LRGUK: variants seen among roughly 807,000 people sequenced by gnomAD.
The protein encoded by LRGUK is leucine-rich repeat and guanylate kinase domain-containing protein.
A neutral mutation model predicts 76.0 loss-of-function variants in LRGUK; 65 were observed. That is an observed-to-expected ratio of 0.85 (90% CI 0.70 to 1.05). The LOEUF (loss-of-function observed/expected upper bound fraction) is 1.05, where lower values mean the gene tolerates loss of function less well. Ranked by LOEUF, LRGUK falls within the 50% of genes least tolerant of loss-of-function variation. LRGUK has a pLI of 0.00. For synonymous variants in LRGUK, 268 were observed against 265.6 expected (o/e 1.01, Z -0.09); for missense variants, 758 against 732.8 (o/e 1.03, Z -0.40).
intron 9 of LRGUK, among the ~76,000 whole-genome samples, chr7:134,178,283 A>G (rs1040845828): frequency 6.6e-6 from 1 of 152,108 alleles, no homozygotes; most frequent in Non-Finnish European, 1.5e-5. Context: ...TAGGAGATCA[A>G]AAGACTCCAC....
chr7:134,211,176 T>C (rs1801252160), downstream of LRGUK, among the ~76,000 whole-genome samples: 1 of 152,224 alleles, frequency 6.6e-6, no homozygotes, highest in Non-Finnish European at 1.5e-5. Context: ...TCTTCTGCTG[T>C]TGCCGTCACA....
At chr7:134,198,704 A>G (rs903076316) in intron 13 of LRGUK, among the ~76,000 whole-genome samples, 10 of 152,158 alleles carry the variant, frequency 6.6e-5, no homozygotes, top group African/African-American at 2.2e-4. Context: ...ACACAGTTCC[A>G]TGCTGTGATC....
intron 16 of LRGUK, among the ~76,000 whole-genome samples, chr7:134,246,495 G>C (rs1219603117): frequency 6.6e-6 from 1 of 152,210 alleles, no homozygotes; most frequent in Non-Finnish European, 1.5e-5. Context: ...GCAAACACTT[G>C]AAACTATGCT....
At chr7:134,174,722 CT>C in intron 8 of LRGUK, 86 bp downstream of exon 8, 1 of 784,580 alleles carries the variant, frequency 1.3e-6, no homozygotes, top group Non-Finnish European at 2.2e-6. Context: ...TCAAGAAGTA[CT>C]TTTGATAAAA....
In LRGUK at chr7:134,259,084, T is replaced by A. The variant is rs574049001; in HGVS notation, c.2347+679T>A. Among the ~76,000 whole-genome samples the A allele has an allele frequency of 1.7e-3, 255 of 152,242 alleles. 1 individual carries two copies. Among genetic ancestry groups the A allele is most frequent in the African/African-American group, 5.9e-3 (244 of 41,548 alleles). On this transcript the variant is annotated intron_variant, in intron 19 of 19. Transcript: ENST00000285928. ...ATGGAGGCTTTGAGTTGCAGTCCAG[T>A]CTTCACTGTGGCGGTTCGGCAGAAT...
intron 12 of LRGUK, among the ~76,000 whole-genome samples, chr7:134,193,842 A>C (rs1011609142): frequency 4.0e-5 from 6 of 151,896 alleles, no homozygotes; most frequent in Non-Finnish European, 8.8e-5. Context: ...CAGCAGGCCC[A>C]CTGACGGACA....
intron 6 of LRGUK, among the ~76,000 whole-genome samples, chr7:134,160,786 T>C (rs535326045): frequency 6.6e-6 from 1 of 152,338 alleles, no homozygotes; most frequent in South Asian, 2.1e-4. Context: ...GTTTCTAATT[T>C]CATTTATTCA....
chr7:134,128,680 G>A (rs568029808), intron 1 of LRGUK, among the ~76,000 whole-genome samples: 4 of 152,324 alleles, frequency 2.6e-5, no homozygotes, highest in African/African-American at 9.6e-5. Flanking sequence ...CTCCCGAGTA[G>A]CTGGGACTAC....
Position 134,187,817 on chromosome 7 carries a change from A to C in LRGUK, c.1335-3838A>C, listed in dbSNP as rs533120509. On this transcript the variant is annotated intron_variant, in intron 11 of 15. Coordinates refer to ENST00000645682, the Ensembl canonical transcript of LRGUK. ...ATTTAAGGCCATGAAAGTGATCTGA[A>C]TGGCCCTGAAAGAAAAACTTTATTC... Among the ~76,000 whole-genome samples, 75 of 152,350 alleles carry C rather than the reference A, an allele frequency of 4.9e-4. No homozygotes were observed. The Middle Eastern group carries it at 0.02, about 41-fold the overall frequency.
At chr7:134,144,969 C>T (rs1797910127) in intron 4 of LRGUK, among the ~76,000 whole-genome samples, 1 of 152,156 alleles carries the variant, frequency 6.6e-6, no homozygotes, top group Non-Finnish European at 1.5e-5. Flanking sequence ...TTCATGGTAA[C>T]AGCATGACCC....
chr7:134,238,615 A>G lies in LRGUK; in HGVS notation c.1984-8941A>G, dbSNP rs947997890. Among the ~76,000 whole-genome samples, 4 of 151,704 alleles carry G rather than the reference A, an allele frequency of 2.6e-5. No homozygotes were observed. In the East Asian group the frequency reaches 7.8e-4, roughly 29 times the overall value. On this transcript the variant is annotated intron_variant, in intron 16 of 19. Transcript: ENST00000285928. Reference sequence around the variant, plus strand: ...TAGTTCATGAGTTTTTAAAATTGTAATTTATCTGTTCCTTGATGTTTTGTG... The same window carrying G: ...TAGTTCATGAGTTTTTAAAATTGTAGTTTATCTGTTCCTTGATGTTTTGTG...
intron 1 of LRGUK, 91 bp downstream of exon 1, chr7:134,127,755 G>A: frequency 2.2e-6 from 3 of 1,371,752 alleles, no homozygotes; most frequent in Non-Finnish European, 1.9e-6. Context: ...CCACCAGCCC[G>A]AAGCTTCCCA....
chr7:134,132,868 C>T (rs570185381), intron 1 of LRGUK, among the ~76,000 whole-genome samples: 6 of 152,202 alleles, frequency 3.9e-5, no homozygotes, highest in Admixed American at 1.3e-4. Flanking sequence ...TGAGAGCTTC[C>T]GTTTTGCCTC....
intron 5 of LRGUK, among the ~76,000 whole-genome samples, chr7:134,157,368 G>GATA (rs1798515612): frequency 6.6e-6 from 1 of 152,172 alleles, no homozygotes; most frequent in African/African-American, 2.4e-5. Context: ...AGGGTGATCT[G>GATA]GTAGTCAGAA....
intron 15 of LRGUK, among the ~76,000 whole-genome samples, chr7:134,218,610 G>C (rs999717249): frequency 4.6e-5 from 7 of 152,152 alleles, no homozygotes; most frequent in African/African-American, 7.2e-5. Flanking sequence ...TGTGATACCA[G>C]ATCATCAACA....
intron 6 of LRGUK, among the ~76,000 whole-genome samples, chr7:134,158,557 T>C (rs780494998): frequency 6.6e-6 from 1 of 152,256 alleles, no homozygotes; most frequent in Non-Finnish European, 1.5e-5. Flanking sequence ...TTAACTGCTT[T>C]CAAATGAACC....
intron 7 of LRGUK, among the ~76,000 whole-genome samples, chr7:134,167,155 A>C (rs75304530): frequency 0.13 from 20,025 of 151,994 alleles, 1,668 homozygotes; most frequent in East Asian, 0.32. Flanking sequence ...AGGAGGGAGG[A>C]CCCCTTGGAG....
intron 1 of LRGUK, among the ~76,000 whole-genome samples, chr7:134,132,573 T>C (rs1420934497): frequency 6.6e-6 from 1 of 152,024 alleles, no homozygotes; most frequent in Non-Finnish European, 1.5e-5. Flanking sequence ...AGCAAACAAC[T>C]CTAGAGTAGA....
At chr7:134,257,800 T>C (rs920918902) in intron 18 of LRGUK, among the ~76,000 whole-genome samples, 28 of 150,862 alleles carry the variant, frequency 1.9e-4, no homozygotes, top group African/African-American at 6.8e-4. Flanking sequence ...TAAGACTCTG[T>C]CTCCAAAAAC....
Sources: allele counts gnomAD v4.1 joint callset (sites outside exome capture counted in the v4.1 genomes callset), GRCh38; gene constraint gnomAD v4.1.1; transcripts MANE v1.5; gene names NCBI Gene and HGNC (gene_info 2026-07-23, HGNC 2026-07-21).